Variants in ZNF292 observed in about 807,000 individuals in gnomAD.
ZNF292 encodes the protein 16 zinc-finger domain protein.
Under a neutral mutation model 217.9 loss-of-function variants are expected in ZNF292, and 26 were observed. The observed-to-expected ratio is 0.12, with a 90% CI of 0.09 to 0.17. The LOEUF (loss-of-function observed/expected upper bound fraction) is 0.17, where lower values mean the gene tolerates loss of function less well. ZNF292 is among the 10% of genes least tolerant of loss of function. The pLI, the probability that ZNF292 is intolerant of heterozygous loss-of-function variation, is 1.00. For synonymous variants in ZNF292, 1,257 were observed against 1,124.1 expected (o/e 1.12, Z -2.37); for missense variants, 2,904 against 3,175.2 (o/e 0.91, Z 2.05).
chr6:87,243,621 TC>T lies in ZNF292; in HGVS notation c.878+11del. 1 of 1,449,392 alleles carries T rather than the reference TC, an allele frequency of 6.9e-7. No homozygotes were observed. Among genetic ancestry groups the T allele is most frequent in the Admixed American group, 3.0e-5 (1 of 33,642 alleles). The allele number at this position is 1,449,392 out of a possible 1,614,324, so 89.8% of individuals were successfully genotyped here. A position where few individuals can be genotyped will look rare whatever the true frequency, so the allele number is the denominator to read the frequency against. ...ATATGTACTGCGCTTGGTGAGTTGA[TC>T]TTTTTTTTTTTAAAGAAATATTTGT... On this transcript the variant is annotated intron_variant, in intron 6 of 7. Transcript: ENST00000369577.
chr6:87,194,088 G>A (rs890879419), intron 1 of ZNF292, among the ~76,000 whole-genome samples: 2 of 152,264 alleles, frequency 1.3e-5, no homozygotes, highest in African/African-American at 2.4e-5. Context: ...ATTGGAGCAC[G>A]GGAAATTCAG....
At chr6:87,227,053 A>G (rs564571369) in intron 4 of ZNF292, among the ~76,000 whole-genome samples, 8 of 152,300 alleles carry the variant, frequency 5.3e-5, no homozygotes, top group African/African-American at 1.9e-4. Flanking sequence ...TCATAATTAA[A>G]TCTTATTTTA....
intron 3 of ZNF292, 125 bp from the exon 4 acceptor site, chr6:87,218,471 T>A: frequency 3.2e-6 from 2 of 633,862 alleles, no homozygotes; most frequent in Non-Finnish European, 4.9e-6. Context: ...TTGAGTACTT[T>A]GTAATGTGAT....
At chr6:87,169,500 A>T (rs1210987328) in intron 1 of ZNF292, among the ~76,000 whole-genome samples, 3 of 152,206 alleles carry the variant, frequency 2.0e-5, no homozygotes, top group East Asian at 3.8e-4. Flanking sequence ...CAGCTATTTC[A>T]TATAAATAAT....
At chr6:87,202,624 A>G (rs1201231958) in intron 1 of ZNF292, among the ~76,000 whole-genome samples, 4 of 152,106 alleles carry the variant, frequency 2.6e-5, no homozygotes, top group South Asian at 2.1e-4. Context: ...GTAGTTTGCT[A>G]TGGGTTTTTC....
chr6:87,157,074 G>A (rs900104373), intron 1 of ZNF292, among the ~76,000 whole-genome samples: 2 of 152,098 alleles, frequency 1.3e-5, no homozygotes, highest in Admixed American at 1.3e-4. Context: ...TCCAAATATT[G>A]AAATATTTTC....
chr6:87,243,924 G>T (rs373413391), intron 6 of ZNF292, among the ~76,000 whole-genome samples: 10 of 152,226 alleles, frequency 6.6e-5, no homozygotes, highest in African/African-American at 2.2e-4. Flanking sequence ...AGATATGTAA[G>T]CAATACATTT....
At chr6:87,241,013 C>T (rs1037963931) in intron 5 of ZNF292, among the ~76,000 whole-genome samples, 3 of 152,258 alleles carry the variant, frequency 2.0e-5, no homozygotes, top group Middle Eastern at 3.4e-3. Flanking sequence ...GGCTGAGCAC[C>T]GTGGCTCATG....
At position 87,208,324 on chromosome 6, in the gene ZNF292, A is replaced by G. The variant is rs528920401; in HGVS notation, c.169-7579A>G. ...CTTAGGTTCTAGAAAATTAATTTGA[A>G]TTAAATATTTTCTTTATTCCCCTCA... On this transcript the variant is annotated intron_variant, in intron 1 of 7. Transcript: ENST00000369577. Among the ~76,000 whole-genome samples the G allele has an allele frequency of 5.9e-5, 9 of 152,226 alleles. No homozygotes were observed. The East Asian group carries it at 7.7e-4, about 13-fold the overall frequency.
chr6:87,159,410 T>A (rs908961020), intron 1 of ZNF292, among the ~76,000 whole-genome samples: 1 of 151,642 alleles, frequency 6.6e-6, no homozygotes, highest in Non-Finnish European at 1.5e-5. Flanking sequence ...GGGGTCTTGC[T>A]ACATTGCCCA....
chr6:87,226,664 T>C (rs1224614976), intron 4 of ZNF292, among the ~76,000 whole-genome samples: 2 of 103,782 alleles, frequency 1.9e-5, no homozygotes, highest in African/African-American at 4.1e-5. Context: ...TATATAGATA[T>C]ATAGATATAT....
chr6:87,204,969 T>C (rs550335926), intron 1 of ZNF292, among the ~76,000 whole-genome samples: 38 of 152,244 alleles, frequency 2.5e-4, no homozygotes, highest in African/African-American at 9.1e-4. Context: ...TATAGTACCC[T>C]CAAACAATGA....
intron 1 of ZNF292, among the ~76,000 whole-genome samples, chr6:87,205,929 C>T (rs940660911): frequency 2.0e-5 from 3 of 152,156 alleles, no homozygotes; most frequent in African/African-American, 7.2e-5. Flanking sequence ...CCACTAAAAC[C>T]TTAGTAGCAT....
intron 6 of ZNF292, 87 bp from the exon 7 acceptor site, chr6:87,245,416 T>A (rs887617591): frequency 1.9e-6 from 2 of 1,038,436 alleles, no homozygotes; most frequent in Admixed American, 3.5e-5. Context: ...AAAACCAGTT[T>A]TAATTTCAAA....
chr6:87,161,477 C>G (rs551736156), intron 1 of ZNF292, among the ~76,000 whole-genome samples: 1 of 152,342 alleles, frequency 6.6e-6, no homozygotes, highest in Admixed American at 6.5e-5. Flanking sequence ...GGTGGGAGTG[C>G]AGTGACACAG....
intron 4 of ZNF292, among the ~76,000 whole-genome samples, chr6:87,230,826 AAGT>A (rs764019456): frequency 1.3e-5 from 2 of 152,110 alleles, no homozygotes; most frequent in African/African-American, 2.4e-5. Flanking sequence ...TTGCCATGTG[AAGT>A]AGTGTTATCT....
chr6:87,237,955 T>C (rs1398753672), intron 5 of ZNF292, among the ~76,000 whole-genome samples: 4 of 152,252 alleles, frequency 2.6e-5, no homozygotes, highest in Non-Finnish European at 1.5e-5. Context: ...AATTTACTAC[T>C]TTGTATATGA....
chr6:87,235,135 A>G (rs1284707339), intron 5 of ZNF292, among the ~76,000 whole-genome samples: 1 of 152,198 alleles, frequency 6.6e-6, no homozygotes, highest in Non-Finnish European at 1.5e-5. Flanking sequence ...TTGCTATTAT[A>G]TATGAGAGCA....
intron 1 of ZNF292, among the ~76,000 whole-genome samples, chr6:87,203,882 G>T: frequency 6.6e-6 from 1 of 152,082 alleles, no homozygotes; most frequent in East Asian, 1.9e-4. Flanking sequence ...AACAGGAAGG[G>T]ACAACTACCT....
Sources: allele counts gnomAD v4.1 joint callset (sites outside exome capture counted in the v4.1 genomes callset), GRCh38; gene constraint gnomAD v4.1.1; transcripts MANE v1.5; gene names NCBI Gene and HGNC (gene_info 2026-07-23, HGNC 2026-07-21).